FLT4: variants seen among roughly 807,000 people sequenced by gnomAD.
FLT4 encodes vascular endothelial growth factor receptor 3.
Under a neutral mutation model 163.2 loss-of-function variants are expected in FLT4, and 30 were observed. The observed-to-expected ratio is 0.18, with a 90% CI of 0.14 to 0.25. The LOEUF (loss-of-function observed/expected upper bound fraction) is 0.25, where lower values mean the gene tolerates loss of function less well. Ranked by LOEUF, FLT4 falls within the 10% of genes least tolerant of loss-of-function variation. The probability of loss-of-function intolerance (pLI) is 1.00; values close to 1 mark genes in which losing one functional copy is unlikely to be tolerated. For synonymous variants in FLT4, 884 were observed against 789.5 expected, an observed-to-expected ratio of 1.12 and a Z score of -2.01; for missense variants, 1,510 against 1,863.8, an observed-to-expected ratio of 0.81 and a Z score of 3.50.
rs1761581297 is a variant in FLT4 at position 180,602,751 on chromosome 5, G to A, written c.*441C>T. On this transcript the variant is annotated 3_prime_UTR_variant, in exon 30 of 30. Coordinates refer to ENST00000261937, the MANE Select transcript of FLT4 (RefSeq NM_182925.5). ...GGGAGAGTAGCTGTGTGCCTGAGGA[G>A]GAAAGGGCGTTTGGGAGACCTCTGC... is the stretch of plus-strand genomic sequence containing the variant. The A allele has an allele frequency of 6.4e-6, 3 of 466,224 alleles. No homozygotes were observed. Among genetic ancestry groups the A allele is most frequent in the Non-Finnish European group, 1.1e-5 (3 of 266,268 alleles). 28.9% of individuals were successfully genotyped at this position (466,224 alleles called of 1,614,324 possible).
At chr5:180,642,727 G>C (rs757001067) in intron 1 of FLT4, among the ~76,000 whole-genome samples, 1 of 152,186 alleles carries the variant, frequency 6.6e-6, no homozygotes, top group African/African-American at 2.4e-5. Context: ...CTGTGCACCC[G>C]CCAGAGGAGC....
At chr5:180,613,256 C>G in intron 24 of FLT4, 146 bp from the exon 25 acceptor site, 1 of 599,230 alleles carries the variant, frequency 1.7e-6, no homozygotes, top group Non-Finnish European at 3.0e-6. Context: ...ATGGCTCACC[C>G]GACTGTGCTC....
In FLT4 at chr5:180,611,425, T is replaced by A. The variant is rs758221491; in HGVS notation, c.3592A>T (p.Ser1198Cys). The A allele has an allele frequency of 1.2e-6, 2 of 1,613,936 alleles. No homozygotes were observed. Among genetic ancestry groups the A allele is most frequent in the Admixed American group, 1.7e-5 (1 of 60,006 alleles). The change falls in exon 27 of 30, where the codon AGC becomes TGC. Residue 1198 changes from serine (S) to cysteine (C), a missense_variant. By Grantham distance (112) the Ser-to-Cys change is moderately radical. Coordinates refer to ENST00000261937, the MANE Select transcript of FLT4 (RefSeq NM_182925.5). Reference sequence around the variant, plus strand: ...GCCATGGTGGACACCTGCGAGAAGCTGCCCTCTTCTGAGCTCTGAGAGCTG... The same window carrying A: ...GCCATGGTGGACACCTGCGAGAAGCAGCCCTCTTCTGAGCTCTGAGAGCTG... ...PRSSQSSEEG[S>C]FSQVSTMALH...
chr5:180,613,627 C>A, intron 24 of FLT4: 1 of 308,742 alleles, frequency 3.2e-6, no homozygotes, highest in Non-Finnish European at 6.3e-6. Context: ...CCTTTAGTTT[C>A]CGCAGTAGCG....
At chr5:180,637,093 G>C (rs1388008678) in intron 1 of FLT4, among the ~76,000 whole-genome samples, 3 of 152,136 alleles carry the variant, frequency 2.0e-5, no homozygotes, top group Non-Finnish European at 4.4e-5. Context: ...AGTGGCTCAT[G>C]CCTGTAATCC....
At chr5:180,626,356 A>T in intron 8 of FLT4, 91 bp from the exon 9 acceptor site, 7 of 1,446,076 alleles carry the variant, frequency 4.8e-6, no homozygotes, top group Non-Finnish European at 6.7e-6. Flanking sequence ...AGTTGGGAGG[A>T]GGGAGGGGCT....
Position 180,618,376 on chromosome 5 carries a change from C to T in FLT4, c.3001+394G>A, listed in dbSNP as rs192060710. 2.8e-3 allele frequency among the ~76,000 whole-genome samples: 299 copies of T among 106,420 alleles called. 8 individuals carry two copies. Among genetic ancestry groups the T allele is most frequent in the Middle Eastern group, 0.014 (3 of 212 alleles). 69.8% of individuals were successfully genotyped at this position (106,420 alleles called of 152,430 possible). Reference sequence around the variant, plus strand: ...CCCTCAGCCTCTGGGACACCCACATCCTACTCCAGAGCACCCTCTCCTGCT... The same window carrying T: ...CCCTCAGCCTCTGGGACACCCACATTCTACTCCAGAGCACCCTCTCCTGCT... On this transcript the variant is annotated intron_variant, in intron 21 of 29. Transcript: ENST00000261937.
intron 1 of FLT4, among the ~76,000 whole-genome samples, chr5:180,647,182 G>A (rs1402647262): frequency 6.6e-6 from 1 of 152,176 alleles, no homozygotes; most frequent in African/African-American, 2.4e-5. Flanking sequence ...TAGCCACAGT[G>A]CAGAGGTGCC....
intron 1 of FLT4, among the ~76,000 whole-genome samples, chr5:180,642,054 A>G (rs1382547743): frequency 6.6e-6 from 1 of 152,032 alleles, no homozygotes; most frequent in Non-Finnish European, 1.5e-5. Context: ...TAAAAATACA[A>G]AAATTAGCCC....
intron 1 of FLT4, among the ~76,000 whole-genome samples, chr5:180,632,776 G>A (rs1190693037): frequency 5.3e-5 from 8 of 152,284 alleles, no homozygotes; most frequent in Middle Eastern, 3.4e-3. Context: ...ACATGCTGGC[G>A]TGTGTTCACA....
chr5:180,631,080 C>T (rs1260365497), intron 2 of FLT4, among the ~76,000 whole-genome samples: 1 of 152,010 alleles, frequency 6.6e-6, no homozygotes, highest in Non-Finnish European at 1.5e-5. Flanking sequence ...TGGGTGCTCC[C>T]AGGGTGGCTG....
At position 180,623,258 on chromosome 5, in the gene FLT4, A is replaced by C. The variant is rs1763313652; in HGVS notation, c.1549-419T>G. 6.6e-6 allele frequency among the ~76,000 whole-genome samples: 1 copy of C among 152,082 alleles called. No homozygotes were observed. The highest frequency in any genetic ancestry group is 2.1e-4 in the South Asian group (1 of 4,820). ...GGCCCAATCCAGTCGCTGCTTGCTG[A>C]GATCCTCGTGAGATGGCCTCCTCAG... is the stretch of plus-strand genomic sequence containing the variant. On this transcript the variant is annotated intron_variant, in intron 11 of 29. Coordinates refer to ENST00000261937, the MANE Select transcript of FLT4 (RefSeq NM_182925.5). This position sits in a 1 kb window ranked among gnomAD's most constrained non-coding sequence, Gnocchi z 5.8.
chr5:180,606,010 A>G (rs6879440), intron 29 of FLT4, among the ~76,000 whole-genome samples: 7 of 151,858 alleles, frequency 4.6e-5, no homozygotes, highest in Admixed American at 1.3e-4. Context: ...CCCACACCCC[A>G]CCAAGGCACA....
At chr5:180,641,348 C>T (rs1261747020) in intron 1 of FLT4, among the ~76,000 whole-genome samples, 1 of 152,220 alleles carries the variant, frequency 6.6e-6, no homozygotes. Flanking sequence ...GCTTGGGGCC[C>T]CTCCACATTG....
In FLT4 at chr5:180,631,754, G is replaced by A; in HGVS notation, c.83C>T (p.Thr28Ile). Residue 28 changes from threonine (T) to isoleucine (I), a missense_variant, in exon 2 of 30, where the codon ACC (threonine) becomes ATC (isoleucine). Physicochemically the swap from Thr to Ile is moderately conservative, Grantham distance 89. Around this residue, in one of 5 missense-constraint regions of FLT4, gnomAD observed 157 missense variants for 178.7 expected, o/e 0.88. Coordinates refer to ENST00000261937, the MANE Select transcript of FLT4 (RefSeq NM_182925.5). ...CTCCGTGATGTTCAAGGTCGGGGGG[G>A]TCATGGAGTAGCCACTCACCAGGCC... ...LDGLVSGYSMTPPTLNITEES... is the reference protein window; with the variant it reads ...LDGLVSGYSMIPPTLNITEES... The A allele has an allele frequency of 6.2e-7, 1 of 1,610,412 alleles. No individual in the cohort carries two copies. Among genetic ancestry groups the A allele is most frequent in the South Asian group, 1.1e-5 (1 of 91,086 alleles).
At chr5:180,631,363 C>A (rs1279313736) in intron 2 of FLT4, among the ~76,000 whole-genome samples, 1 of 152,090 alleles carries the variant, frequency 6.6e-6, no homozygotes, top group Non-Finnish European at 1.5e-5. Flanking sequence ...GTCCCAGCTA[C>A]TTGGGAGGCT....
At chr5:180,611,243 G>T in intron 27 of FLT4, 88 bp downstream of exon 27, 1 of 1,438,318 alleles carries the variant, frequency 7.0e-7, no homozygotes, top group Non-Finnish European at 9.5e-7. Flanking sequence ...CGCATGATTT[G>T]CTTTTCCCCG....
At chr5:180,632,591 C>T (rs568614699) in intron 1 of FLT4, among the ~76,000 whole-genome samples, 3 of 151,074 alleles carry the variant, frequency 2.0e-5, no homozygotes, top group South Asian at 4.2e-4. Flanking sequence ...CCCTCCTCCC[C>T]GTGAGGTGGT....
Position 180,619,092 on chromosome 5 carries a change from C to A in FLT4, c.2779G>T (p.Val927Leu). 6.4e-7 allele frequency: 1 copy of A among 1,555,772 alleles called. No individual in the cohort carries two copies. Among genetic ancestry groups the A allele is most frequent in the Non-Finnish European group, 8.7e-7 (1 of 1,152,050 alleles). The change falls in exon 20 of 30, where the codon GTG (valine) becomes TTG (leucine). Residue 927 changes from valine to leucine, a missense_variant. Physicochemically the swap from Val to Leu is conservative, Grantham distance 32. This residue lies in a region of FLT4 where 878 missense variants were observed against 1,016.7 expected (regional missense o/e 0.86). Transcript: ENST00000261937. ...AGGTTGCCGTACTTGCAGAACTCCA[C>A]GATCACCATGAGGGGGCCTGCGGCG... ...TKPQGPLMVI[V>L]EFCKYGNLSN...
Sources: gnomAD v4.1 joint callset for allele counts (sites outside exome capture counted in the v4.1 genomes callset) on GRCh38, gnomAD v4.1.1 for gene constraint, gnomAD v4.1.1 regional missense constraint, Gnocchi (gnomAD v3.1) non-coding constraint, MANE v1.5 for transcripts, NCBI Gene and HGNC (gene_info 2026-07-23, HGNC 2026-07-21) for gene names.